Variants in TMEM8B observed in about 807,000 individuals in gnomAD.
TMEM8B encodes transmembrane protein 8B, also known as nasopharyngeal carcinoma expressed 6.
TMEM8B carries 29 observed loss-of-function variants against 49.3 expected under a neutral mutation model. The observed-to-expected ratio is 0.59, with a 90% CI of 0.44 to 0.80. The LOEUF is 0.80. Ranked by LOEUF, TMEM8B falls within the 30% of genes least tolerant of loss-of-function variation. The pLI is 0.00. For missense variants in TMEM8B, 575 were observed against 658.5 expected (o/e 0.87, Z 1.39); for synonymous variants, 264 against 272.8 (o/e 0.97, Z 0.32).
At chr9:35,852,762 C>T in intron 10 of TMEM8B, 65 bp from the exon 11 acceptor site, 1 of 1,602,560 alleles carries the variant, frequency 6.2e-7, no homozygotes. Context: ...GGGCCCACCC[C>T]TCCGGTTTTG....
chr9:35,853,135 C>G lies in TMEM8B; in HGVS notation c.2323-6C>G, dbSNP rs1832305937. The G allele has an allele frequency of 1.2e-6, 2 of 1,613,634 alleles. No homozygotes were observed. The highest frequency in any genetic ancestry group is 1.7e-6 in the Non-Finnish European group (2 of 1,179,536). Reference sequence around the variant, plus strand: ...CCTAGCCCAGCCCTTGAGTCTCTTTCTCTAGGTGCTGTATTTGCTGGGAGC... The same window carrying G: ...CCTAGCCCAGCCCTTGAGTCTCTTTGTCTAGGTGCTGTATTTGCTGGGAGC... On this transcript the variant is annotated splice_polypyrimidine_tract_variant and splice_region_variant and intron_variant, in intron 11 of 12. Transcript: ENST00000643932. This position sits in a 1 kb window ranked among gnomAD's most constrained non-coding sequence, Gnocchi z 4.2.
Position 35,859,985 on chromosome 9 carries a change from TTC to T in TMEM8B, c.*6152_*6153del, listed in dbSNP as rs1202430105. On this transcript the variant is annotated 3_prime_UTR_variant, in exon 13 of 13. Coordinates refer to ENST00000643932, the MANE Select transcript of TMEM8B (RefSeq NM_001042590.4). ...TGTCTGGTTTGCCCACTTCATCTCA[TTC>T]TCTCTCCTTTTCCATCTGGACCACC... 6.6e-6 allele frequency: 1 copy of T among 152,498 alleles called. No homozygotes were observed. The allele number at this position is 152,498 out of a possible 1,614,324, so 9.4% of individuals were successfully genotyped here.
rs1301125259 is a variant in TMEM8B, at chr9:35,858,088, T to G, written c.*4248T>G. 2 of 148,846 alleles carry G rather than the reference T, an allele frequency of 1.3e-5. No homozygotes were observed. The highest frequency in any genetic ancestry group is 1.5e-5 in the Non-Finnish European group (1 of 68,480). The allele number at this position is 148,846 out of a possible 1,614,324, so 9.2% of individuals were successfully genotyped here. On this transcript the variant is annotated 3_prime_UTR_variant, in exon 13 of 13. Transcript: ENST00000643932. ...GTGCCCTCACTGTGTCTGGTGCTGT[T>G]CCATTTTTTTTCTTTCTTTCTTTTT...
chr9:35,848,920 A>G (rs113682095), intron 10 of TMEM8B, among the ~76,000 whole-genome samples: 4,111 of 151,808 alleles, frequency 0.027, 153 homozygotes, highest in African/African-American at 0.09. Flanking sequence ...TGAACCACCC[A>G]CCTTGGCCTC....
At position 35,846,376 on chromosome 9, in the gene TMEM8B, G is replaced by T. The variant is rs771982929; in HGVS notation, c.1848G>T (p.Gly616=). The change falls in exon 8 of 13, where the codon GGG becomes GGT. Residue 616 remains glycine (G), a synonymous_variant. Coordinates refer to ENST00000643932, the MANE Select transcript of TMEM8B (RefSeq NM_001042590.4). Reference sequence around the variant, plus strand: ...CCCTCCGCTCCCTGTGCGGGGTGGGGCCTCGGTGAGCGGTGCGGGGCGGGG... The same window carrying T: ...CCCTCCGCTCCCTGTGCGGGGTGGGTCCTCGGTGAGCGGTGCGGGGCGGGG... ...FLALRSLCGV[G]PRFVRCRNAT... 1 of 1,612,564 alleles carries T rather than the reference G, an allele frequency of 6.2e-7. No homozygotes were observed. The highest frequency in any genetic ancestry group is 1.7e-5 in the Admixed American group (1 of 59,972).
chr9:35,836,786 G>A lies in TMEM8B; in HGVS notation c.906+1568G>A, dbSNP rs959879817. 4.6e-5 allele frequency among the ~76,000 whole-genome samples: 7 copies of A among 152,320 alleles called. No individual in the cohort carries two copies. The South Asian group carries it at 6.2e-4, about 14-fold the overall frequency. ...AACTTGGTACCAAACTGGAACCCTG[G>A]TCAGAGCTTCCCCAGGTGTGTGGTG... On this transcript the variant is annotated intron_variant, in intron 3 of 12. Coordinates refer to ENST00000643932, the MANE Select transcript of TMEM8B (RefSeq NM_001042590.4).
At chr9:35,847,967 G>T (rs1008938128) in intron 10 of TMEM8B, among the ~76,000 whole-genome samples, 1 of 152,198 alleles carries the variant, frequency 6.6e-6, no homozygotes. Flanking sequence ...ACATGCATGT[G>T]AGCACTGCAA....
chr9:35,848,192 C>A (rs550985065), intron 10 of TMEM8B, among the ~76,000 whole-genome samples: 1 of 152,330 alleles, frequency 6.6e-6, no homozygotes, highest in Admixed American at 6.5e-5. Flanking sequence ...GAAGAAGAGT[C>A]TGCAACCATG....
At chr9:35,834,785 T>G (rs1830278999) in intron 2 of TMEM8B, 135 bp downstream of exon 2, 1 of 409,958 alleles carries the variant, frequency 2.4e-6, no homozygotes, top group South Asian at 1.4e-4. Flanking sequence ...GTGAGGGCCA[T>G]GACCTCTGTC....
At chr9:35,835,259 C>T (rs2132241189) in intron 3 of TMEM8B, 41 bp downstream of exon 3, 2 of 414,052 alleles carry the variant, frequency 4.8e-6, no homozygotes, top group Middle Eastern at 3.3e-4. Context: ...CAGAACTGCC[C>T]TTCCATCTCT....
At chr9:35,832,870 G>A (rs923060123) in intron 1 of TMEM8B, among the ~76,000 whole-genome samples, 1 of 152,086 alleles carries the variant, frequency 6.6e-6, no homozygotes, top group Admixed American at 6.5e-5. Context: ...TCCATCAGTC[G>A]GTCCCATTTC....
intron 3 of TMEM8B, among the ~76,000 whole-genome samples, chr9:35,837,703 T>C (rs890432734): frequency 6.6e-6 from 1 of 152,206 alleles, no homozygotes; most frequent in Non-Finnish European, 1.5e-5. Context: ...TTACTACGTA[T>C]TCCTAGCCTC....
At chr9:35,852,656 C>G (rs1832255962) in intron 10 of TMEM8B, among the ~76,000 whole-genome samples, 171 bp from the exon 11 acceptor site, 1 of 152,076 alleles carries the variant, frequency 6.6e-6, no homozygotes, top group Non-Finnish European at 1.5e-5. Flanking sequence ...ACCTCCTTAC[C>G]ACATTCTTCT....
chr9:35,841,757 T>C lies in TMEM8B; in HGVS notation c.1272T>C (p.Gly424=), dbSNP rs934551531. 3 of 415,954 alleles carry C rather than the reference T, an allele frequency of 7.2e-6. No individual in the cohort carries two copies. The highest frequency in any genetic ancestry group is 1.3e-5 in the Non-Finnish European group (3 of 226,490). The allele number at this position is 415,954 out of a possible 1,614,324, so 25.8% of individuals were successfully genotyped here. ...VRVETSSRGP[G]RTIRFQLCVR... is the part of the protein sequence containing the mutation. ...TGGAAACATCATCCCGGGGCCCTGG[T>C]AGGACCATCCGCTTCCAGCTGTGTG... The change falls in exon 5 of 13, where the codon GGT becomes GGC. Residue 424 remains glycine (G), a synonymous_variant. Coordinates refer to ENST00000643932, the MANE Select transcript of TMEM8B (RefSeq NM_001042590.4). This position sits in a 1 kb window ranked among gnomAD's most constrained non-coding sequence, Gnocchi z 5.9.
chr9:35,853,167 G>A lies in TMEM8B; in HGVS notation c.2349G>A (p.Leu783=), dbSNP rs747382819. ...KQVLYLLGAM[L]LSMALQLDRH... ...TGCTGTATTTGCTGGGAGCTATGCTGCTGTCCATGGCTCTGCAGCTTGACC... is the reference window on the plus strand; with the variant it reads ...TGCTGTATTTGCTGGGAGCTATGCTACTGTCCATGGCTCTGCAGCTTGACC... Residue 783 remains leucine (L), a synonymous_variant, in exon 12 of 13, where the codon CTG becomes CTA. Coordinates refer to ENST00000643932, the MANE Select transcript of TMEM8B (RefSeq NM_001042590.4). The surrounding 1 kb of genome is among the most constrained non-coding windows in gnomAD (Gnocchi z 4.2). The A allele has an allele frequency of 1.2e-6, 2 of 1,613,970 alleles. No homozygotes were observed. Among genetic ancestry groups the A allele is most frequent in the Non-Finnish European group, 1.7e-6 (2 of 1,179,940 alleles).
chr9:35,840,725 C>T (rs1830894745), intron 3 of TMEM8B, among the ~76,000 whole-genome samples: 3 of 152,088 alleles, frequency 2.0e-5, no homozygotes, highest in Admixed American at 2.0e-4. Context: ...CACTCCACCC[C>T]ACTTTGCCTA....
At position 35,858,884 on chromosome 9, in the gene TMEM8B, T is replaced by C. The variant is rs534447290; in HGVS notation, c.*5044T>C. ...TTTGTCATCCTGAGTCCCAGAGGGGTGAAGACCATGATGCGGAGCAGAAGC... is the reference window on the plus strand; with the variant it reads ...TTTGTCATCCTGAGTCCCAGAGGGGCGAAGACCATGATGCGGAGCAGAAGC... On this transcript the variant is annotated 3_prime_UTR_variant, in exon 13 of 13. Transcript: ENST00000643932. 8 of 152,268 alleles carry C rather than the reference T, an allele frequency of 5.3e-5. No individual in the cohort carries two copies. The highest frequency in any genetic ancestry group is 1.9e-4 in the African/African-American group (8 of 41,506). The allele number at this position is 152,268 out of a possible 1,614,324, so 9.4% of individuals were successfully genotyped here. A position where few individuals can be genotyped will look rare whatever the true frequency, so the allele number is the denominator to read the frequency against.
chr9:35,834,464 G>T lies in TMEM8B; in HGVS notation c.512G>T (p.Gly171Val). The change falls in exon 2 of 13, where the codon GGC (glycine) becomes GTC (valine). Residue 171 changes from glycine to valine, a missense_variant. Transcript: ENST00000643932. ...LFSVLGPGAG[G>V]LFLTDYSTCS... ...TTCTCTCTCTCCTGCTTCCCAGGAGGCCTTTTCCTGACTGATTACTCCACC... is the reference window on the plus strand; with the variant it reads ...TTCTCTCTCTCCTGCTTCCCAGGAGTCCTTTTCCTGACTGATTACTCCACC... The T allele has an allele frequency of 2.4e-6, 1 of 415,756 alleles. No homozygotes were observed. Among genetic ancestry groups the T allele is most frequent in the Non-Finnish European group, 4.4e-6 (1 of 226,626 alleles). 25.8% of individuals were successfully genotyped at this position (415,756 alleles called of 1,614,324 possible).
At chr9:35,845,951 C>G (rs1433187327) in intron 6 of TMEM8B, 24 bp from the exon 7 acceptor site, 18 of 1,613,372 alleles carry the variant, frequency 1.1e-5, no homozygotes, top group Non-Finnish European at 1.5e-5. Context: ...GTGGCGGCCT[C>G]ACTTCCATAC....
Sources: allele counts gnomAD v4.1 joint callset (sites outside exome capture counted in the v4.1 genomes callset), GRCh38; gene constraint gnomAD v4.1.1; non-coding constraint Gnocchi (gnomAD v3.1); transcripts MANE v1.5; gene names NCBI Gene and HGNC (gene_info 2026-07-23, HGNC 2026-07-21).